Variants in REDIC1 observed in about 807,000 individuals in gnomAD.
The protein encoded by REDIC1 is regulator of DNA class I crossover intermediates 1.
chr12:39,710,419 G>A, the REDIC1 span, among the ~76,000 whole-genome samples: 1 of 151,704 alleles, frequency 6.6e-6, no homozygotes, highest in Non-Finnish European at 1.5e-5. Context: ...CAGCTTTATT[G>A]CAGATCATAA....
chr12:39,712,972 TGTATATATACATGTGTATATACGTGTATA>T, the REDIC1 span, among the ~76,000 whole-genome samples: 2 of 18,544 alleles, frequency 1.1e-4, no homozygotes, highest in Non-Finnish European at 2.4e-4. Context: ...TACGTGTATA[TGTATATATACATGTGTATATACGTGTATA>T]TGTATATATA....
the REDIC1 span, among the ~76,000 whole-genome samples, chr12:39,831,435 G>T: frequency 6.6e-6 from 1 of 152,144 alleles, no homozygotes; most frequent in Non-Finnish European, 1.5e-5. Context: ...GTTGTGAAAG[G>T]AGAAATAGGT....
chr12:39,701,131 C>G, the REDIC1 span, among the ~76,000 whole-genome samples: 1 of 135,438 alleles, frequency 7.4e-6, no homozygotes, highest in Non-Finnish European at 1.6e-5. Context: ...AATTAAAAGA[C>G]ACAGATTGGC....
chr12:39,672,127 G>C, the REDIC1 span, among the ~76,000 whole-genome samples: 743 of 152,222 alleles, frequency 4.9e-3, 21 homozygotes, highest in Non-Finnish European at 1.4e-3. Context: ...AAGCCACCTG[G>C]TGGTGTATGT....
chr12:39,866,088 G>GT, the REDIC1 span, among the ~76,000 whole-genome samples: 1 of 152,192 alleles, frequency 6.6e-6, no homozygotes, highest in Non-Finnish European at 1.5e-5. Context: ...GACAAAATAA[G>GT]TTTAAAACAT....
the REDIC1 span, among the ~76,000 whole-genome samples, chr12:39,679,634 G>GA: frequency 6.6e-6 from 1 of 152,038 alleles, no homozygotes; most frequent in East Asian, 1.9e-4. Context: ...CACAGAACTA[G>GA]AAAAAATATC....
chr12:39,672,169 G>T, the REDIC1 span, among the ~76,000 whole-genome samples: 1 of 152,156 alleles, frequency 6.6e-6, no homozygotes, highest in African/African-American at 2.4e-5. Flanking sequence ...TGGGGCAAGA[G>T]AATTCCTGGG....
At chr12:39,887,617 C>T in the REDIC1 span, among the ~76,000 whole-genome samples, 2 of 152,136 alleles carry the variant, frequency 1.3e-5, no homozygotes, top group Non-Finnish European at 2.9e-5. Context: ...AGAGGGTAGA[C>T]GTCCTTCTTC....
chr12:39,634,950 C>A, the REDIC1 span, among the ~76,000 whole-genome samples: 5 of 151,986 alleles, frequency 3.3e-5, no homozygotes, highest in Admixed American at 3.3e-4. Context: ...GAAAAAAAAA[C>A]AACCCCATCA....
chr12:39,711,868 C>CATGCATGT, the REDIC1 span, among the ~76,000 whole-genome samples: 3 of 56,900 alleles, frequency 5.3e-5, no homozygotes, highest in African/African-American at 2.8e-4. Flanking sequence ...TGTGTATACA[C>CATGCATGT]GTATACACAT....
At chr12:39,799,081 C>CTT in the REDIC1 span, among the ~76,000 whole-genome samples, 18 of 133,482 alleles carry the variant, frequency 1.3e-4, no homozygotes, top group Non-Finnish European at 1.8e-4. Context: ...TTTTTTTTTC[C>CTT]TTTTTTTTTT....
the REDIC1 span, among the ~76,000 whole-genome samples, chr12:39,781,983 T>C: frequency 1.2e-4 from 18 of 152,192 alleles, no homozygotes; most frequent in Non-Finnish European, 2.4e-4. Context: ...GTCTTGTGAA[T>C]ACAGGAACTG....
chr12:39,767,315 T>TTC, the REDIC1 span, among the ~76,000 whole-genome samples: 22 of 151,376 alleles, frequency 1.5e-4, no homozygotes, highest in South Asian at 4.6e-3. Context: ...TTTTTTCTTT[T>TTC]CCTGAGCAGT....
At chr12:39,708,377 ATTTAT>A in the REDIC1 span, among the ~76,000 whole-genome samples, 1 of 151,600 alleles carries the variant, frequency 6.6e-6, no homozygotes, top group African/African-American at 2.4e-5. Flanking sequence ...TTGGTTTTTG[ATTTAT>A]TTTGTTTAGT....
the REDIC1 span, chr12:39,830,410 G>A: frequency 9.1e-6 from 12 of 1,322,502 alleles, no homozygotes; most frequent in South Asian, 4.1e-5. Context: ...TGGTCTCTTC[G>A]ATTTCTCCCT....
chr12:39,663,719 T>C, the REDIC1 span, among the ~76,000 whole-genome samples: 1 of 152,080 alleles, frequency 6.6e-6, no homozygotes, highest in Non-Finnish European at 1.5e-5. Context: ...GTCGTTTTTC[T>C]TCCTTATTTG....
the REDIC1 span, among the ~76,000 whole-genome samples, chr12:39,792,107 A>T: frequency 1.3e-5 from 1 of 78,572 alleles, no homozygotes; most frequent in East Asian, 3.4e-4. Context: ...CAAACCTGAG[A>T]AAAACAAGCA....
the REDIC1 span, among the ~76,000 whole-genome samples, chr12:39,776,784 T>G: frequency 6.6e-6 from 1 of 152,204 alleles, no homozygotes; most frequent in Non-Finnish European, 1.5e-5. Flanking sequence ...AAACTTTCAT[T>G]AACTGAGGAA....
the REDIC1 span, among the ~76,000 whole-genome samples, chr12:39,852,722 A>T: frequency 6.6e-6 from 1 of 152,122 alleles, no homozygotes; most frequent in Non-Finnish European, 1.5e-5. Flanking sequence ...TGTAACCTCC[A>T]CCCTTTCTGC....
Sources: allele counts gnomAD v4.1 joint callset (sites outside exome capture counted in the v4.1 genomes callset), GRCh38; gene constraint gnomAD v4.1.1; transcripts MANE v1.5; gene names NCBI Gene and HGNC (gene_info 2026-07-23, HGNC 2026-07-21).